The following PRSS21 variants were observed in gnomAD, a reference collection of about 807,000 sequenced individuals.
The protein encoded by PRSS21 is testisin.
In PRSS21, 40 loss-of-function variants were observed where a neutral mutation model predicts 31.1. The observed-to-expected ratio is 1.29, with a 90% CI of 1.00 to 1.68. PRSS21 has a LOEUF of 1.68. Ranked by LOEUF, PRSS21 falls within the 40% of genes most tolerant of loss-of-function variation. PRSS21 has a pLI of 0.00. For synonymous variants in PRSS21, 186 were observed against 167.7 expected (o/e 1.11, Z -0.84); for missense variants, 467 against 412.6 (o/e 1.13, Z -1.14).
At chr16:2,820,762 C>T (rs988794277) in intron 4 of PRSS21, among the ~76,000 whole-genome samples, 193 bp from the exon 5 acceptor site, 1 of 152,124 alleles carries the variant, frequency 6.6e-6, no homozygotes, top group African/African-American at 2.4e-5. Context: ...ACAGCCTGTC[C>T]CTCCCCGGGG....
At position 2,821,053 on chromosome 16, in the gene PRSS21, A is replaced by G; in HGVS notation, c.649A>G (p.Ile217Val). 1 of 1,614,176 alleles carries G rather than the reference A, an allele frequency of 6.2e-7. No individual in the cohort carries two copies. The highest frequency in any genetic ancestry group is 8.5e-7 in the Non-Finnish European group (1 of 1,180,032). ...CCTCAAGTACAGTTTCCGCAAGGAC[A>G]TCTTTGGAGACATGGTTTGTGCTGG... ...LFLKYSFRKD[I>V]FGDMVCAGNA... Residue 217 changes from isoleucine to valine, a missense_variant, in exon 5 of 6, where the codon ATC becomes GTC. Coordinates refer to ENST00000005995, the MANE Select transcript of PRSS21 (RefSeq NM_006799.4).
rs1409810523 is a variant in PRSS21 at position 2,818,983 on chromosome 16, C to T, written c.550+14C>T. ...AAGAGGATGAGGGTGAGGCTGGGGA[C>T]AGGCGGGTCAGGGAGGAACTGTCTT... On this transcript the variant is annotated intron_variant, in intron 4 of 5. Coordinates refer to ENST00000005995, the MANE Select transcript of PRSS21 (RefSeq NM_006799.4). The T allele has an allele frequency of 6.2e-7, 1 of 1,612,074 alleles. No homozygotes were observed. Among genetic ancestry groups the T allele is most frequent in the South Asian group, 1.1e-5 (1 of 90,992 alleles).
rs200594570 is a variant in PRSS21 at position 2,817,530 on chromosome 16, AG to A, written c.91+80del. 5.7e-3 allele frequency: 2,020 copies of A among 356,232 alleles called. 182 individuals are homozygous for A. Among genetic ancestry groups the A allele is most frequent in the Middle Eastern group, 9.7e-3 (8 of 826 alleles). The allele number at this position is 356,232 out of a possible 1,614,324, so 22.1% of individuals were successfully genotyped here. ...TGGACGGGGGGCGGTGAGGGGGTAGAGGGGGGCCTTTACTGCTCTCTCGCCC... is the reference window on the plus strand; with the variant it reads ...TGGACGGGGGGCGGTGAGGGGGTAGAGGGGGCCTTTACTGCTCTCTCGCCC... On this transcript the variant is annotated intron_variant, in intron 2 of 5. Coordinates refer to ENST00000005995, the MANE Select transcript of PRSS21 (RefSeq NM_006799.4). This position sits in a 1 kb window ranked among gnomAD's most constrained non-coding sequence, Gnocchi z 4.2.
Position 2,817,968 on chromosome 16 carries a change from T to C in PRSS21, c.257+2T>C, listed in dbSNP as rs1367305172. The C allele has an allele frequency of 5.8e-6, 9 of 1,546,692 alleles. No individual in the cohort carries two copies. The South Asian group carries it at 1.1e-4, about 18-fold the overall frequency. ...CACGGCGGCGCACTGCTTTGAAACG[T>C]GAGTGGGGGTGCGAACGGAGGGGTG... On this transcript the variant is annotated splice_donor_variant, in intron 3 of 5. Coordinates refer to ENST00000005995, the MANE Select transcript of PRSS21 (RefSeq NM_006799.4). LOFTEE classifies it high-confidence loss of function. The surrounding 1 kb of genome is among the most constrained non-coding windows in gnomAD (Gnocchi z 4.2).
chr16:2,820,896 T>C, intron 4 of PRSS21, 59 bp from the exon 5 acceptor site: 1 of 1,558,740 alleles, frequency 6.4e-7, no homozygotes, highest in Non-Finnish European at 8.8e-7. Flanking sequence ...GCCTATGCCA[T>C]CCCTCCATAG....
In PRSS21 at chr16:2,821,709, A is replaced by G. The variant is rs2069182601; in HGVS notation, c.*104A>G. ...CATTCCAGTTGATGCCTTGCAGGGC[A>G]TTCTTCAAAAGCAGTGGCTTCATGG... is the stretch of plus-strand genomic sequence containing the variant. On this transcript the variant is annotated 3_prime_UTR_variant, in exon 6 of 6. Transcript: ENST00000005995. 1 of 1,442,136 alleles carries G rather than the reference A, an allele frequency of 6.9e-7. No individual in the cohort carries two copies. The highest frequency in any genetic ancestry group is 9.4e-7 in the Non-Finnish European group (1 of 1,067,012). The allele number at this position is 1,442,136 out of a possible 1,614,324, so 89.3% of individuals were successfully genotyped here.
chr16:2,819,072 C>T lies in PRSS21; in HGVS notation c.550+103C>T, dbSNP rs1245225302. Reference sequence around the variant, plus strand: ...GCTTGGTCTGGGGGTGCAGGCTATGCCCCTCTTGCTTGCAGTCTCTCCTCA... The same window carrying T: ...GCTTGGTCTGGGGGTGCAGGCTATGTCCCTCTTGCTTGCAGTCTCTCCTCA... On this transcript the variant is annotated intron_variant, in intron 4 of 5. Coordinates refer to ENST00000005995, the MANE Select transcript of PRSS21 (RefSeq NM_006799.4). The T allele has an allele frequency of 2.6e-5, 34 of 1,324,066 alleles. 1 individual carries two copies. The Middle Eastern group carries it at 7.5e-4, about 29-fold the overall frequency. 82.0% of individuals were successfully genotyped at this position (1,324,066 alleles called of 1,614,324 possible). A position where few individuals can be genotyped will look rare whatever the true frequency, so the allele number is the denominator to read the frequency against.
In PRSS21 at chr16:2,818,977, T is replaced by C. The variant is rs368857808; in HGVS notation, c.550+8T>C. 21 of 1,612,876 alleles carry C rather than the reference T, an allele frequency of 1.3e-5. No individual in the cohort carries two copies. In the African/African-American group the frequency reaches 2.5e-4, roughly 19 times the overall value. ...ACATCAAAGAGGATGAGGGTGAGGCTGGGGACAGGCGGGTCAGGGAGGAAC... is the reference window on the plus strand; with the variant it reads ...ACATCAAAGAGGATGAGGGTGAGGCCGGGGACAGGCGGGTCAGGGAGGAAC... On this transcript the variant is annotated splice_region_variant and intron_variant, in intron 4 of 5. Coordinates refer to ENST00000005995, the MANE Select transcript of PRSS21 (RefSeq NM_006799.4).
rs1051909458 is a variant in PRSS21, at chr16:2,817,374, G to A, written c.64+42G>A. On this transcript the variant is annotated intron_variant, in intron 1 of 5. Coordinates refer to ENST00000005995, the MANE Select transcript of PRSS21 (RefSeq NM_006799.4). This position sits in a 1 kb window ranked among gnomAD's most constrained non-coding sequence, Gnocchi z 4.2. ...GCTGGCGGGATGGGGAGGCGGGGGA[G>A]CGGTGGGGAGGACGGGAGGTGGAGG... is the stretch of plus-strand genomic sequence containing the variant. The A allele has an allele frequency of 1.1e-5, 18 of 1,580,894 alleles. 1 individual carries two copies. Among genetic ancestry groups the A allele is most frequent in the African/African-American group, 4.0e-5 (3 of 74,276 alleles).
In PRSS21 at chr16:2,818,748, G is replaced by A; in HGVS notation, c.329G>A (p.Trp110Ter). Residue 110 changes from tryptophan to a stop codon, truncating the protein, a stop_gained, in exon 4 of 6, where the codon TGG (tryptophan) becomes TAG (stop). Coordinates refer to ENST00000005995, the MANE Select transcript of PRSS21 (RefSeq NM_006799.4). LOFTEE classifies it high-confidence loss of function. ...CAGCTGACTTCCATGCCATCCTTCT[G>A]GAGCCTGCAGGCCTACTACACCCGT... Reference protein sequence around the residue: ...FGQLTSMPSFWSLQAYYTRYF... With the variant: ...FGQLTSMPSF 2 of 1,613,914 alleles carry A rather than the reference G, an allele frequency of 1.2e-6. No homozygotes were observed. Among genetic ancestry groups the A allele is most frequent in the Non-Finnish European group, 1.7e-6 (2 of 1,179,806 alleles).
At position 2,818,943 on chromosome 16, in the gene PRSS21, G is replaced by A; in HGVS notation, c.524G>A (p.Gly175Asp). The change falls in exon 4 of 6, where the codon GGC becomes GAC. Residue 175 changes from glycine (G) to aspartate (D), a missense_variant. Coordinates refer to ENST00000005995, the MANE Select transcript of PRSS21 (RefSeq NM_006799.4). ...FENRTDCWVTGWGYIKEDEAL... is the reference protein window; with the variant it reads ...FENRTDCWVTDWGYIKEDEAL... ...AACCGGACAGACTGCTGGGTGACTG[G>A]CTGGGGGTACATCAAAGAGGATGAG... 6.2e-7 allele frequency: 1 copy of A among 1,614,178 alleles called. No individual in the cohort carries two copies.
rs368632766 is a variant in PRSS21, at chr16:2,818,739, C to T, written c.320C>T (p.Pro107Leu). The change falls in exon 4 of 6, where the codon CCA (proline) becomes CTA (leucine). Residue 107 changes from proline (P) to leucine (L), a missense_variant. Pro to Leu is a moderately conservative substitution (Grantham distance 98, BLOSUM62 -3). Coordinates refer to ENST00000005995, the MANE Select transcript of PRSS21 (RefSeq NM_006799.4). ...MVQFGQLTSM[P>L]SFWSLQAYYT... ...CAGTTTGGCCAGCTGACTTCCATGC[C>T]ATCCTTCTGGAGCCTGCAGGCCTAC... is the stretch of plus-strand genomic sequence containing the variant. The T allele has an allele frequency of 2.5e-5, 40 of 1,614,076 alleles. No homozygotes were observed. In the African/African-American group the frequency reaches 4.5e-4, roughly 18 times the overall value.
chr16:2,821,016 C>T lies in PRSS21; in HGVS notation c.612C>T (p.Cys204=). The T allele has an allele frequency of 1.2e-6, 2 of 1,614,128 alleles. No individual in the cohort carries two copies. Among genetic ancestry groups the T allele is most frequent in the South Asian group, 1.1e-5 (1 of 91,084 alleles). ...VQVAIINNSM[C]NHLFLKYSFR... ...TCGCCATCATAAACAACTCTATGTG[C>T]AACCACCTCTTCCTCAAGTACAGTT... The change falls in exon 5 of 6, where the codon TGC becomes TGT. Residue 204 remains cysteine (C), a synonymous_variant. Transcript: ENST00000005995.
chr16:2,820,888 C>T (rs139316133), intron 4 of PRSS21, 67 bp from the exon 5 acceptor site: 1 of 1,544,246 alleles, frequency 6.5e-7, no homozygotes, highest in Non-Finnish European at 8.8e-7. Flanking sequence ...CCCCCGCAGC[C>T]TATGCCATCC....
Position 2,821,442 on chromosome 16 carries a change from G to T in PRSS21, c.782G>T (p.Gly261Val). ...YQIGVVSWGV[G>V]CGRPNRPGVY... is the part of the protein sequence containing the mutation. ...ATTGGAGTCGTGAGCTGGGGAGTGG[G>T]CTGTGGTCGGCCCAATCGGCCCGGT... is the stretch of plus-strand genomic sequence containing the variant. Residue 261 changes from glycine (G) to valine (V), a missense_variant, in exon 6 of 6, where the codon GGC becomes GTC. By Grantham distance (109) the Gly-to-Val change is moderately radical. Coordinates refer to ENST00000005995, the MANE Select transcript of PRSS21 (RefSeq NM_006799.4). 6.2e-7 allele frequency: 1 copy of T among 1,614,214 alleles called. No homozygotes were observed. Among genetic ancestry groups the T allele is most frequent in the Non-Finnish European group, 8.5e-7 (1 of 1,180,036 alleles).
intron 3 of PRSS21, among the ~76,000 whole-genome samples, chr16:2,818,321 G>A (rs939092878): frequency 2.6e-5 from 4 of 152,188 alleles, no homozygotes; most frequent in African/African-American, 9.7e-5. Context: ...GGGGCACTGA[G>A]CCAAGGCCAG....
chr16:2,817,390 G>C lies in PRSS21; in HGVS notation c.65-40G>C, dbSNP rs776675143. ...GGCGGGGGAGCGGTGGGGAGGACGGGAGGTGGAGGCCGCGGGGAGTCACTT... is the reference window on the plus strand; with the variant it reads ...GGCGGGGGAGCGGTGGGGAGGACGGCAGGTGGAGGCCGCGGGGAGTCACTT... On this transcript the variant is annotated intron_variant, in intron 1 of 5. Transcript: ENST00000005995. This position sits in a 1 kb window ranked among gnomAD's most constrained non-coding sequence, Gnocchi z 4.2. 9 of 1,592,278 alleles carry C rather than the reference G, an allele frequency of 5.7e-6. No homozygotes were observed. Among genetic ancestry groups the C allele is most frequent in the Admixed American group, 3.4e-5 (2 of 59,442 alleles).
Position 2,817,238 on chromosome 16 carries a change from GA to G in PRSS21, c.-30del. On this transcript the variant is annotated 5_prime_UTR_variant, in exon 1 of 6. Transcript: ENST00000005995. The surrounding 1 kb of genome is among the most constrained non-coding windows in gnomAD (Gnocchi z 4.2). ...CCCGGGCCCGGCGCGAGAGGAGGCAGAGGGGGCGTCAGGCCGCGGGAGAGGA... is the reference window on the plus strand; with the variant it reads ...CCCGGGCCCGGCGCGAGAGGAGGCAGGGGGGCGTCAGGCCGCGGGAGAGGA... 6.8e-7 allele frequency: 1 copy of G among 1,478,936 alleles called. No homozygotes were observed. The highest frequency in any genetic ancestry group is 1.3e-5 in the South Asian group (1 of 76,272). 91.6% of individuals were successfully genotyped at this position (1,478,936 alleles called of 1,614,324 possible).
At position 2,817,487 on chromosome 16, in the gene PRSS21, A is replaced by G. The variant is rs1175211648; in HGVS notation, c.91+31A>G. 2.8e-6 allele frequency: 4 copies of G among 1,434,776 alleles called. No individual in the cohort carries two copies. The highest frequency in any genetic ancestry group is 3.7e-6 in the Non-Finnish European group (4 of 1,086,586). The allele number at this position is 1,434,776 out of a possible 1,614,324, so 88.9% of individuals were successfully genotyped here. A position where few individuals can be genotyped will look rare whatever the true frequency, so the allele number is the denominator to read the frequency against. On this transcript the variant is annotated intron_variant, in intron 2 of 5. Transcript: ENST00000005995. This position sits in a 1 kb window ranked among gnomAD's most constrained non-coding sequence, Gnocchi z 4.2. ...GCGCCCAGGACGCGCGATTCCTGCC[A>G]GGGCCGTTGGGCCGAGGTGGACGGG...
Sources: gnomAD v4.1 joint callset for allele counts (sites outside exome capture counted in the v4.1 genomes callset) on GRCh38, gnomAD v4.1.1 for gene constraint, Gnocchi (gnomAD v3.1) non-coding constraint, MANE v1.5 for transcripts, NCBI Gene and HGNC (gene_info 2026-07-23, HGNC 2026-07-21) for gene names.